The following ILRUN variants were observed in gnomAD, a reference collection of about 807,000 sequenced individuals.
The protein encoded by ILRUN is protein ILRUN.
ILRUN carries 3 observed loss-of-function variants against 33.8 expected under a neutral mutation model. The observed-to-expected ratio is 0.09, with a 90% confidence interval of 0.04 to 0.23. The LOEUF is 0.23. Ranked by LOEUF, ILRUN falls within the 10% of genes least tolerant of loss-of-function variation. ILRUN has a pLI of 1.00. For synonymous variants in ILRUN, 124 were observed against 138.9 expected (o/e 0.89, Z 0.75); for missense variants, 210 against 375.1 (o/e 0.56, Z 3.64).
At chr6:34,660,181 T>C (rs761530748) in intron 1 of ILRUN, among the ~76,000 whole-genome samples, 9 of 150,388 alleles carry the variant, frequency 6.0e-5, no homozygotes, top group African/African-American at 2.0e-4. Context: ...CATACACCTA[T>C]AGTCCCAGCC....
intron 3 of ILRUN, among the ~76,000 whole-genome samples, chr6:34,623,218 C>A (rs974270954): frequency 1.1e-4 from 17 of 152,132 alleles, no homozygotes; most frequent in African/African-American, 4.1e-4. Context: ...AAAATGGTTA[C>A]AATAAATTGT....
intron 3 of ILRUN, among the ~76,000 whole-genome samples, chr6:34,628,329 C>CA (rs1562008729): frequency 6.9e-6 from 1 of 145,626 alleles, no homozygotes; most frequent in Non-Finnish European, 1.5e-5. Flanking sequence ...CCTTTTTACA[C>CA]TTTTTTTTTT....
At chr6:34,651,503 A>G (rs1269955654) in intron 2 of ILRUN, among the ~76,000 whole-genome samples, 1 of 152,166 alleles carries the variant, frequency 6.6e-6, no homozygotes, top group African/African-American at 2.4e-5. Context: ...GTAAGTAGAT[A>G]TATCAAGAGG....
rs971800027 is a variant in ILRUN at position 34,588,525 on chromosome 6, TG to T, written c.*2039del. On this transcript the variant is annotated 3_prime_UTR_variant, in exon 5 of 5. Coordinates refer to ENST00000374023, the MANE Select transcript of ILRUN (RefSeq NM_024294.4). The stretch of plus-strand genomic sequence containing the variant: ...CCAGGGAGGCAGTGTCTCAGGAGAC[TG>T]GTACCAGCAGCAGCAGTCTGGGCCT... 1 of 295,220 alleles carries T rather than the reference TG, an allele frequency of 3.4e-6. No homozygotes were observed. The highest frequency in any genetic ancestry group is 6.2e-6 in the Non-Finnish European group (1 of 160,150). 18.3% of individuals were successfully genotyped at this position (295,220 alleles called of 1,614,324 possible). A position where few individuals can be genotyped will look rare whatever the true frequency, so the allele number is the denominator to read the frequency against.
intron 4 of ILRUN, among the ~76,000 whole-genome samples, chr6:34,599,347 A>C (rs1761462696): frequency 6.6e-6 from 1 of 152,226 alleles, no homozygotes; most frequent in African/African-American, 2.4e-5. Flanking sequence ...AGATAGTGTT[A>C]AACTCAGCCC....
intron 1 of ILRUN, among the ~76,000 whole-genome samples, chr6:34,692,559 C>T (rs1258648426): frequency 6.6e-6 from 1 of 152,034 alleles, no homozygotes; most frequent in African/African-American, 2.4e-5. Flanking sequence ...CACACAAATA[C>T]TGTGATTAAG....
intron 4 of ILRUN, among the ~76,000 whole-genome samples, chr6:34,605,318 C>CAAAAA (rs78612898): frequency 1.4e-3 from 104 of 74,130 alleles, no homozygotes; most frequent in Non-Finnish European, 1.7e-3. Context: ...AAAACAAAAA[C>CAAAAA]AAAAAAAAAA....
chr6:34,666,749 A>G (rs777658159), intron 1 of ILRUN, among the ~76,000 whole-genome samples: 1 of 152,224 alleles, frequency 6.6e-6, no homozygotes, highest in Non-Finnish European at 1.5e-5. Flanking sequence ...TTTAATAACT[A>G]ATCAGCACAA....
chr6:34,696,245 TCCCTA>T (rs1763769820), intron 1 of ILRUN, 196 bp downstream of exon 1: 7 of 545,416 alleles, frequency 1.3e-5, no homozygotes, highest in South Asian at 5.0e-5. Context: ...GCCTCCGTGG[TCCCTA>T]ACTCTCCTTT....
chr6:34,598,747 A>G (rs1376721113), intron 4 of ILRUN, among the ~76,000 whole-genome samples: 3 of 152,244 alleles, frequency 2.0e-5, no homozygotes, highest in Non-Finnish European at 4.4e-5. Context: ...TGTTACAAAC[A>G]ACAAAAGACA....
At chr6:34,647,500 G>T (rs1372215520) in intron 2 of ILRUN, among the ~76,000 whole-genome samples, 5 of 152,120 alleles carry the variant, frequency 3.3e-5, no homozygotes, top group Non-Finnish European at 7.4e-5. Context: ...GGAGGTACTT[G>T]CGGATAGGAT....
rs1048368008 is a variant in ILRUN, at chr6:34,589,634, C to A, written c.*931G>T. The stretch of plus-strand genomic sequence containing the variant: ...TGCACATGTGGTGCATACATATAAC[C>A]AGCACAGAGGCACTGTTCCCAGAGC... On this transcript the variant is annotated 3_prime_UTR_variant, in exon 5 of 5. Coordinates refer to ENST00000374023, the MANE Select transcript of ILRUN (RefSeq NM_024294.4). The A allele has an allele frequency of 6.6e-6, 1 of 152,242 alleles. No individual in the cohort carries two copies. The highest frequency in any genetic ancestry group is 2.4e-5 in the African/African-American group (1 of 41,446). The allele number at this position is 152,242 out of a possible 1,614,324, so 9.4% of individuals were successfully genotyped here.
At chr6:34,645,336 G>C (rs1429625581) in intron 3 of ILRUN, among the ~76,000 whole-genome samples, 2 of 152,020 alleles carry the variant, frequency 1.3e-5, no homozygotes, top group Non-Finnish European at 2.9e-5. Flanking sequence ...GATTATCTCA[G>C]GGGGGTGCCA....
intron 1 of ILRUN, among the ~76,000 whole-genome samples, chr6:34,669,583 T>C (rs970116264): frequency 6.6e-6 from 1 of 152,212 alleles, no homozygotes; most frequent in Non-Finnish European, 1.5e-5. Flanking sequence ...GTTACTTTTA[T>C]TACTGCCTGT....
intron 3 of ILRUN, among the ~76,000 whole-genome samples, chr6:34,645,875 G>A (rs1374346023): frequency 6.6e-6 from 1 of 152,162 alleles, no homozygotes; most frequent in Non-Finnish European, 1.5e-5. Flanking sequence ...GAATCCCAGG[G>A]TAAAGTTGAG....
Position 34,601,874 on chromosome 6 carries a change from G to A in ILRUN, c.861+4681C>T, listed in dbSNP as rs572359104. On this transcript the variant is annotated intron_variant, in intron 4 of 4. Coordinates refer to ENST00000374023, the MANE Select transcript of ILRUN (RefSeq NM_024294.4). ...ATACAAAATGCTCTACAGGATGACT[G>A]TCAAGAGAGGAAAGGGGTGGGGGTG... Among the ~76,000 whole-genome samples, 14 of 151,050 alleles carry A rather than the reference G, an allele frequency of 9.3e-5. No individual in the cohort carries two copies. In the East Asian group the frequency reaches 1.8e-3, roughly 19 times the overall value.
chr6:34,627,381 T>C (rs1452104295), intron 3 of ILRUN, among the ~76,000 whole-genome samples: 1 of 152,338 alleles, frequency 6.6e-6, no homozygotes, highest in Non-Finnish European at 1.5e-5. Context: ...TGCAGGCTTT[T>C]GTGTGAATGT....
intron 4 of ILRUN, among the ~76,000 whole-genome samples, chr6:34,602,416 T>C (rs1761529065): frequency 6.6e-6 from 1 of 152,076 alleles, no homozygotes; most frequent in African/African-American, 2.4e-5. Flanking sequence ...TTAACAGGAC[T>C]TTTTTTTCTC....
Position 34,696,585 on chromosome 6 carries a change from C to G in ILRUN, c.19G>C (p.Asp7His). 6.2e-7 allele frequency: 1 copy of G among 1,611,626 alleles called. No individual in the cohort carries two copies. The highest frequency in any genetic ancestry group is 8.5e-7 in the Non-Finnish European group (1 of 1,179,664). Residue 7 changes from aspartate (D) to histidine (H), a missense_variant, in exon 1 of 5, where the codon GAC (aspartate) becomes CAC (histidine). Asp to His is a moderately conservative substitution (Grantham distance 81). This residue lies in a region of ILRUN where 61 missense variants were observed against 94.4 expected (regional missense o/e 0.65). Transcript: ENST00000374023. ...TTCTGCATCAGCTCCGGGTCCAGGT[C>G]TACGTCCATGCCCTCCATGGCGGGG... MEGMDV[D>H]LDPELMQKFS...
Sources: gnomAD v4.1 joint callset for allele counts (sites outside exome capture counted in the v4.1 genomes callset) on GRCh38, gnomAD v4.1.1 for gene constraint, gnomAD v4.1.1 regional missense constraint, MANE v1.5 for transcripts, NCBI Gene and HGNC (gene_info 2026-07-23, HGNC 2026-07-21) for gene names.